The following NHSL2 variants were observed in gnomAD, a reference collection of about 807,000 sequenced individuals.
NHSL2 encodes NHS like 2, also known as NHS-like protein 2.
Under a neutral mutation model 53.4 loss-of-function variants are expected in NHSL2, and 27 were observed. The ratio of observed to expected loss-of-function variants is 0.51; its 90% confidence interval spans 0.37 to 0.70. NHSL2 has a LOEUF of 0.70. NHSL2 is among the 30% of genes least tolerant of loss of function. The pLI, the probability that NHSL2 is intolerant of heterozygous loss-of-function variation, is 0.00. For missense variants in NHSL2, 892 were observed against 980.1 expected (o/e 0.91, Z 1.20); for synonymous variants, 408 against 404.1 (o/e 1.01, Z -0.12).
intron 1 of NHSL2, among the ~76,000 whole-genome samples, chrX:72,006,332 C>T (rs1197762326): frequency 8.9e-6 from 1 of 112,286 alleles, no homozygotes; most frequent in Non-Finnish European, 1.9e-5. Flanking sequence ...GAGTTGGCTC[C>T]GCGTTCCCCT....
chrX:72,063,656 C>A (rs1320751111), intron 1 of NHSL2, among the ~76,000 whole-genome samples: 1 of 111,529 alleles, frequency 9.0e-6, no homozygotes, highest in Non-Finnish European at 1.9e-5. Context: ...CAAGAAATTA[C>A]TTTTCATGCA....
At chrX:72,114,259 A>G (rs761901619) in intron 1 of NHSL2, among the ~76,000 whole-genome samples, 159 of 112,748 alleles carry the variant, frequency 1.4e-3, no homozygotes, top group Non-Finnish European at 2.6e-3. Context: ...AAAGAAAAGC[A>G]TAACAGAAAA....
chrX:71,976,313 AC>A (rs761450608), intron 1 of NHSL2, among the ~76,000 whole-genome samples: 19 of 112,003 alleles, frequency 1.7e-4, no homozygotes, highest in Non-Finnish European at 3.0e-4. Flanking sequence ...CTGTTTCCTT[AC>A]CTGCAAAATA....
chrX:72,130,425 C>G (rs1335718860), intron 1 of NHSL2: 20 of 1,199,728 alleles, frequency 1.7e-5, no homozygotes, highest in Middle Eastern at 4.6e-4. Context: ...TCTCCTTCAT[C>G]TCTTGCTGAA....
At chrX:72,142,716 G>A (rs561756190) in intron 7 of NHSL2, among the ~76,000 whole-genome samples, 1 of 111,287 alleles carries the variant, frequency 9.0e-6, no homozygotes, top group Admixed American at 9.6e-5. Flanking sequence ...TCTGTCTATA[G>A]TCAGAGACAT....
chrX:72,093,360 G>A (rs993831868), intron 1 of NHSL2, among the ~76,000 whole-genome samples: 20 of 112,412 alleles, frequency 1.8e-4, no homozygotes, highest in Non-Finnish European at 2.3e-4. Flanking sequence ...TTGTTGCCAG[G>A]AAAGGTGGTT....
chrX:71,956,083 A>G (rs1431003115), intron 1 of NHSL2, among the ~76,000 whole-genome samples: 1 of 111,715 alleles, frequency 9.0e-6, no homozygotes, highest in Non-Finnish European at 1.9e-5. Context: ...CTGATTTTGA[A>G]CAACAAAGCT....
At chrX:72,042,313 T>A (rs2042278865) in intron 1 of NHSL2, among the ~76,000 whole-genome samples, 1 of 112,883 alleles carries the variant, frequency 8.9e-6, no homozygotes, top group Non-Finnish European at 1.9e-5. Context: ...CCTGAAGCTC[T>A]GCTCTTTGGG....
chrX:71,988,298 T>C (rs867324542), intron 1 of NHSL2, among the ~76,000 whole-genome samples: 1 of 111,702 alleles, frequency 9.0e-6, no homozygotes, highest in Middle Eastern at 4.7e-3. Context: ...TTTCCCCCTT[T>C]AGGGAGGAAA....
At chrX:72,104,298 G>A (rs1384439384) in intron 1 of NHSL2, among the ~76,000 whole-genome samples, 1 of 112,622 alleles carries the variant, frequency 8.9e-6, no homozygotes, top group African/African-American at 3.2e-5. Context: ...TTACTATGTT[G>A]CAAATTTTAA....
At chrX:72,024,765 C>A (rs2042176937) in intron 1 of NHSL2, among the ~76,000 whole-genome samples, 1 of 111,944 alleles carries the variant, frequency 8.9e-6, no homozygotes, top group Non-Finnish European at 1.9e-5. Flanking sequence ...ATCACCACTT[C>A]AAAATGATAA....
intron 1 of NHSL2, among the ~76,000 whole-genome samples, chrX:71,930,508 C>T (rs2041707375): frequency 8.9e-6 from 1 of 112,445 alleles, no homozygotes; most frequent in Admixed American, 9.4e-5. Context: ...ATTTTCATTA[C>T]CCTAAAAGGA....
chrX:72,142,654 C>T (rs538490656), intron 7 of NHSL2, among the ~76,000 whole-genome samples: 3 of 110,221 alleles, frequency 2.7e-5, no homozygotes, highest in South Asian at 4.0e-4. Context: ...AGAGGCCCCT[C>T]GTCTCCTAGC....
intron 1 of NHSL2, among the ~76,000 whole-genome samples, chrX:71,979,732 T>G (rs1460173486): frequency 3.6e-5 from 4 of 111,660 alleles, no homozygotes; most frequent in Non-Finnish European, 5.7e-5. Context: ...TCTGATGGTA[T>G]TTTCTTTTGC....
chrX:72,093,777 T>TTC (rs2041921364), intron 1 of NHSL2, among the ~76,000 whole-genome samples: 3 of 108,776 alleles, frequency 2.8e-5, no homozygotes, highest in Non-Finnish European at 3.8e-5. Context: ...TTTCTTTCTT[T>TTC]CTTTTCCTTT....
At chrX:72,080,178 G>C (rs1323236661) in intron 1 of NHSL2, 1 of 112,201 alleles carries the variant, frequency 8.9e-6, no homozygotes, top group African/African-American at 3.2e-5. Context: ...TGTGGGCTCA[G>C]CACACACTTT....
At chrX:72,029,686 T>C (rs1327678919) in intron 1 of NHSL2, among the ~76,000 whole-genome samples, 3 of 112,988 alleles carry the variant, frequency 2.7e-5, no homozygotes, top group Non-Finnish European at 5.6e-5. Context: ...TCAGAGCTCC[T>C]GTCATTCCTT....
At chrX:71,946,673 A>G (rs1402560531) in intron 1 of NHSL2, among the ~76,000 whole-genome samples, 1 of 111,697 alleles carries the variant, frequency 9.0e-6, no homozygotes, top group Non-Finnish European at 1.9e-5. Flanking sequence ...AGTCTTTACA[A>G]CTTATCTCCT....
intron 1 of NHSL2, among the ~76,000 whole-genome samples, chrX:71,954,499 G>A (rs1001585477): frequency 2.7e-5 from 3 of 112,275 alleles, no homozygotes; most frequent in African/African-American, 9.7e-5. Flanking sequence ...ATGAGCTCAA[G>A]GGGAAAACAG....
Sources: gnomAD v4.1 joint callset for allele counts (sites outside exome capture counted in the v4.1 genomes callset) on GRCh38, gnomAD v4.1.1 for gene constraint, MANE v1.5 for transcripts, NCBI Gene and HGNC (gene_info 2026-07-23, HGNC 2026-07-21) for gene names.